GRIA1: variants seen among roughly 807,000 people sequenced by gnomAD.
GRIA1 encodes glutamate ionotropic receptor AMPA type subunit 1, also known as glutamate receptor 1.
GRIA1 carries 31 observed loss-of-function variants against 99.2 expected under a neutral mutation model. That is an observed-to-expected ratio of 0.31 (90% CI 0.23 to 0.42). The LOEUF (loss-of-function observed/expected upper bound fraction) is 0.42. Ranked by LOEUF, GRIA1 falls within the 10% of genes least tolerant of loss-of-function variation. The pLI, the probability that GRIA1 is intolerant of heterozygous loss-of-function variation, is 1.00. For missense variants in GRIA1, 782 were observed against 1,157.5 expected (o/e 0.68, Z 4.71); for synonymous variants, 438 against 432.4 (o/e 1.01, Z -0.16).
At chr5:153,547,699 G>A (rs777440056) in intron 2 of GRIA1, among the ~76,000 whole-genome samples, 1 of 152,132 alleles carries the variant, frequency 6.6e-6, no homozygotes, top group Non-Finnish European at 1.5e-5. Context: ...ACACAGTTTA[G>A]AGCCATTAAT....
chr5:153,745,680 G>GA (rs374771641), intron 11 of GRIA1, among the ~76,000 whole-genome samples: 20 of 148,478 alleles, frequency 1.3e-4, no homozygotes, highest in East Asian at 3.9e-4. Context: ...AAAAGGTAAG[G>GA]AAAAAAAAAT....
At chr5:153,775,671 A>C (rs1312411690) in intron 13 of GRIA1, among the ~76,000 whole-genome samples, 1 of 151,930 alleles carries the variant, frequency 6.6e-6, no homozygotes, top group African/African-American at 2.4e-5. Context: ...TGCTTAAATA[A>C]TGCATCATCA....
intron 5 of GRIA1, among the ~76,000 whole-genome samples, chr5:153,671,178 G>T (rs1389018876): frequency 4.6e-5 from 7 of 152,148 alleles, no homozygotes; most frequent in African/African-American, 1.7e-4. Flanking sequence ...AGACATTCTG[G>T]TGACAAGATT....
chr5:153,773,286 CA>C (rs1369497510), intron 13 of GRIA1, among the ~76,000 whole-genome samples: 1 of 152,220 alleles, frequency 6.6e-6, no homozygotes, highest in Non-Finnish European at 1.5e-5. Flanking sequence ...CAAGCCCTGG[CA>C]GTCTGACTTC....
At chr5:153,620,698 G>A (rs562606956) in intron 2 of GRIA1, among the ~76,000 whole-genome samples, 22 of 151,926 alleles carry the variant, frequency 1.4e-4, no homozygotes, top group African/African-American at 5.3e-4. Context: ...CATTTTTTTG[G>A]TACCTATTTA....
chr5:153,581,904 C>T (rs1258094626), intron 2 of GRIA1, among the ~76,000 whole-genome samples: 1 of 152,068 alleles, frequency 6.6e-6, no homozygotes, highest in Non-Finnish European at 1.5e-5. Flanking sequence ...ACTACAGGCA[C>T]ATGTCACCAC....
chr5:153,800,874 G>T (rs1379392429), intron 14 of GRIA1, among the ~76,000 whole-genome samples: 1 of 152,142 alleles, frequency 6.6e-6, no homozygotes, highest in East Asian at 1.9e-4. Context: ...TCCACCCCTT[G>T]CATGGCTCAC....
intron 2 of GRIA1, among the ~76,000 whole-genome samples, chr5:153,495,662 T>C (rs1402193260): frequency 6.6e-6 from 1 of 152,230 alleles, no homozygotes; most frequent in Non-Finnish European, 1.5e-5. Context: ...TTGGTAATGC[T>C]GAGGTTGAAA....
intron 2 of GRIA1, among the ~76,000 whole-genome samples, chr5:153,529,754 T>C (rs1757927806): frequency 6.6e-6 from 1 of 152,134 alleles, no homozygotes; most frequent in Non-Finnish European, 1.5e-5. Flanking sequence ...ATGGATATCC[T>C]GAGGCTTTGG....
intron 13 of GRIA1, among the ~76,000 whole-genome samples, chr5:153,773,158 A>G (rs1763994326): frequency 1.3e-5 from 2 of 152,242 alleles, no homozygotes; most frequent in Non-Finnish European, 2.9e-5. Flanking sequence ...ATTATCTCTT[A>G]TAACCCTTGC....
chr5:153,563,030 G>T (rs1287115068), intron 2 of GRIA1, among the ~76,000 whole-genome samples: 1 of 152,070 alleles, frequency 6.6e-6, no homozygotes, highest in African/African-American at 2.4e-5. Flanking sequence ...AGAAAAATTA[G>T]CTGGGCATGG....
chr5:153,538,009 G>C (rs1489586930), intron 2 of GRIA1, among the ~76,000 whole-genome samples: 2 of 152,174 alleles, frequency 1.3e-5, no homozygotes, highest in Admixed American at 6.5e-5. Flanking sequence ...TACAGTGAAA[G>C]GCAAGGAGGA....
intron 2 of GRIA1, among the ~76,000 whole-genome samples, chr5:153,506,207 G>A (rs539058912): frequency 6.6e-5 from 10 of 152,148 alleles, no homozygotes; most frequent in South Asian, 4.1e-4. Flanking sequence ...AAGGCAGAGA[G>A]GGGGAGGTAT....
rs1754919475 is a variant in GRIA1 at position 153,656,023 on chromosome 5, C to G, written c.699+151C>G. The G allele has an allele frequency of 6.1e-6, 4 of 658,980 alleles. No homozygotes were observed. In the Admixed American group the frequency reaches 9.5e-5, roughly 16 times the overall value. 40.8% of individuals were successfully genotyped at this position (658,980 alleles called of 1,614,324 possible). On this transcript the variant is annotated intron_variant, in intron 5 of 15. Transcript: ENST00000285900. ...AGTCTTGGCAATACTACATTTTTAT[C>G]TTCTCCACATCCCACTCATCAAACC...
intron 2 of GRIA1, among the ~76,000 whole-genome samples, chr5:153,609,655 C>T (rs1333918523): frequency 3.4e-5 from 5 of 148,598 alleles, no homozygotes; most frequent in African/African-American, 1.2e-4. Flanking sequence ...GCTCCACCTT[C>T]CGGGTTCAGG....
intron 2 of GRIA1, among the ~76,000 whole-genome samples, chr5:153,535,937 C>G (rs1758528191): frequency 6.6e-6 from 1 of 152,214 alleles, no homozygotes; most frequent in Admixed American, 6.5e-5. Flanking sequence ...ACAGCAGCTC[C>G]TAACTGGCTT....
chr5:153,579,891 AC>A (rs1762895192), intron 2 of GRIA1, among the ~76,000 whole-genome samples: 5 of 141,932 alleles, frequency 3.5e-5, no homozygotes, highest in African/African-American at 1.4e-4. Flanking sequence ...AAACAAACAA[AC>A]AAACAAAAAA....
At chr5:153,611,816 G>A (rs1766013470) in intron 2 of GRIA1, among the ~76,000 whole-genome samples, 1 of 152,220 alleles carries the variant, frequency 6.6e-6, no homozygotes, top group African/African-American at 2.4e-5. Context: ...ACTGGCAGGG[G>A]AAAGGTGTTC....
chr5:153,568,274 T>G (rs1168122783), intron 2 of GRIA1, among the ~76,000 whole-genome samples: 1 of 152,188 alleles, frequency 6.6e-6, no homozygotes, highest in African/African-American at 2.4e-5. Flanking sequence ...TCAAAGAAGA[T>G]GAACTTTAGC....
Sources: gnomAD v4.1 joint callset for allele counts (sites outside exome capture counted in the v4.1 genomes callset) on GRCh38, gnomAD v4.1.1 for gene constraint, MANE v1.5 for transcripts, NCBI Gene and HGNC (gene_info 2026-07-23, HGNC 2026-07-21) for gene names.